SLCO4A1: variants seen among roughly 807,000 people sequenced by gnomAD.
The protein encoded by SLCO4A1 is colon organic anion transporter.
A neutral mutation model predicts 64.6 loss-of-function variants in SLCO4A1; 51 were observed. The ratio of observed to expected loss-of-function variants is 0.79; its 90% CI spans 0.63 to 1.00. SLCO4A1 has a LOEUF of 1.00. Ranked by LOEUF, SLCO4A1 falls within the 50% of genes least tolerant of loss-of-function variation. The pLI, the probability that SLCO4A1 is intolerant of heterozygous loss-of-function variation, is 0.00. For synonymous variants in SLCO4A1, 471 were observed against 444.9 expected (o/e 1.06, Z -0.74); for missense variants, 919 against 980.5 (o/e 0.94, Z 0.84).
chr20:62,656,951 C>G lies in SLCO4A1; in HGVS notation c.497C>G (p.Ser166Ter), dbSNP rs1173786115. 5 of 1,564,134 alleles carry G rather than the reference C, an allele frequency of 3.2e-6. No homozygotes were observed. Among genetic ancestry groups the G allele is most frequent in the Non-Finnish European group, 4.3e-6 (5 of 1,150,060 alleles). Reference sequence around the variant, plus strand: ...ACCTTCGTCAGCTACTTCGGGGGCTCAGGGCACAAGCCGCGCTGGCTGGGC... The same window carrying G: ...ACCTTCGTCAGCTACTTCGGGGGCTGAGGGCACAAGCCGCGCTGGCTGGGC... ...CLTFVSYFGG[S>*]GHKPRWLGWG... is the part of the protein sequence containing the mutation. The change falls in exon 2 of 12, where the codon TCA (serine) becomes TGA (stop). Residue 166 changes from serine to a stop codon, truncating the protein, a stop_gained. Coordinates refer to ENST00000217159, the MANE Select transcript of SLCO4A1 (RefSeq NM_016354.4). LOFTEE classifies it high-confidence loss of function.
At chr20:62,668,268 C>A in intron 9 of SLCO4A1, 84 bp downstream of exon 9, 1 of 1,509,388 alleles carries the variant, frequency 6.6e-7, no homozygotes, top group Non-Finnish European at 9.2e-7. Flanking sequence ...GAGACAGGAG[C>A]ACTCCAGGAA....
intron 10 of SLCO4A1, 87 bp downstream of exon 10, chr20:62,668,628 A>ATG: frequency 7.8e-7 from 1 of 1,281,772 alleles, no homozygotes. Context: ...CACCAAGGGG[A>ATG]TGTGCTTCCC....
downstream of SLCO4A1, among the ~76,000 whole-genome samples, chr20:62,689,918 G>C (rs928572116): frequency 2.6e-5 from 4 of 152,220 alleles, no homozygotes; most frequent in Non-Finnish European, 4.4e-5. Flanking sequence ...GGGTGGAGCA[G>C]ATGCGGGGGA....
In SLCO4A1 at chr20:62,644,309, G is replaced by A. The variant is rs764161417; in HGVS notation, c.-97+1756G>A. ...GCAGGCTGTGTCCTGCCTTCCTGCT[G>A]GGCAAGGTCAGCAGGTGGTGCCTGG... On this transcript the variant is annotated intron_variant, in intron 1 of 11. Transcript: ENST00000217159. The surrounding 1 kb of genome is among the most constrained non-coding windows in gnomAD (Gnocchi z 5.4). Among the ~76,000 whole-genome samples, 16 of 152,238 alleles carry A rather than the reference G, an allele frequency of 1.1e-4. No homozygotes were observed. The highest frequency in any genetic ancestry group is 2.2e-4 in the Non-Finnish European group (15 of 68,036).
At chr20:62,658,092 C>T (rs1984070721) in intron 2 of SLCO4A1, among the ~76,000 whole-genome samples, 1 of 152,202 alleles carries the variant, frequency 6.6e-6, no homozygotes. Flanking sequence ...CTTGGCTCTC[C>T]CGGGAAGGGC....
intron 1 of SLCO4A1, among the ~76,000 whole-genome samples, chr20:62,646,757 A>C (rs1981409157): frequency 6.6e-6 from 1 of 152,254 alleles, no homozygotes; most frequent in African/African-American, 2.4e-5. Context: ...ACTGAGGCAG[A>C]GAGAGGCCCG....
intron 7 of SLCO4A1, among the ~76,000 whole-genome samples, chr20:62,667,318 G>C (rs1476801711): frequency 6.6e-6 from 1 of 152,256 alleles, no homozygotes; most frequent in South Asian, 2.1e-4. Context: ...GGGCGTGTAC[G>C]TGCAGACGAC....
downstream of SLCO4A1, among the ~76,000 whole-genome samples, chr20:62,686,562 CCA>C (rs1410236881): frequency 2.0e-5 from 3 of 152,214 alleles, no homozygotes; most frequent in Admixed American, 2.0e-4. Context: ...CCCTCTGACC[CCA>C]GACACCTTCC....
rs138324792 is a variant in SLCO4A1, at chr20:62,685,631, T to C, written n.402T>C. The C allele has an allele frequency of 2.1e-5, 4 of 186,538 alleles. No individual in the cohort carries two copies. The South Asian group carries it at 7.2e-4, about 34-fold the overall frequency. 11.6% of individuals were successfully genotyped at this position (186,538 alleles called of 1,614,324 possible). A position where few individuals can be genotyped will look rare whatever the true frequency, so the allele number is the denominator to read the frequency against. On this transcript the variant is annotated non_coding_transcript_exon_variant, in exon 3 of 3. Coordinates refer to the SLCO4A1 transcript ENST00000466818. The surrounding 1 kb of genome is among the most constrained non-coding windows in gnomAD (Gnocchi z 4.6). ...TGGGAGAGAATGCATTTGCTTCCGA[T>C]GCCCAGGGCACGAAAGAGGTGGACG...
intron 3 of SLCO4A1, 80 bp downstream of exon 3, chr20:62,658,847 ACT>A: frequency 8.0e-7 from 1 of 1,251,510 alleles, no homozygotes; most frequent in Non-Finnish European, 1.1e-6. Context: ...AGCAGGGCCC[ACT>A]CTGAGTCAGG....
Position 62,656,745 on chromosome 20 carries a change from G to C in SLCO4A1, c.291G>C (p.Gln97His). 6.2e-7 allele frequency: 1 copy of C among 1,612,372 alleles called. No homozygotes were observed. Among genetic ancestry groups the C allele is most frequent in the Non-Finnish European group, 8.5e-7 (1 of 1,179,682 alleles). Residue 97 changes from glutamine (Q) to histidine (H), a missense_variant, in exon 2 of 12, where the codon CAG becomes CAC. Coordinates refer to ENST00000217159, the MANE Select transcript of SLCO4A1 (RefSeq NM_016354.4). ...GGGCCTTCGCACCGCCGTGCCTGCA[G>C]GTCCTCAACACGCCCAAGGGCATCC... ...GWWAFAPPCL[Q>H]VLNTPKGILF... is the part of the protein sequence containing the mutation.
In SLCO4A1 at chr20:62,661,023, G is replaced by GCCCCCCCCCCCCCCC; in HGVS notation, c.1010-36_1010-35insCCCCCCCCCCCCCCC. 1 of 732,786 alleles carries GCCCCCCCCCCCCCCC rather than the reference G, an allele frequency of 1.4e-6. No homozygotes were observed. The highest frequency in any genetic ancestry group is 2.5e-6 in the Non-Finnish European group (1 of 399,746). The allele number at this position is 732,786 out of a possible 1,614,324, so 45.4% of individuals were successfully genotyped here. On this transcript the variant is annotated intron_variant, in intron 4 of 11. Transcript: ENST00000217159. The surrounding 1 kb of genome is among the most constrained non-coding windows in gnomAD (Gnocchi z 5.2). ...CTCTCGGAGAAGTCCACCTCCGGGA[G>GCCCCCCCCCCCCCCC]CCCCCAGCCCCCAGCCCCAGCTCAC...
At chr20:62,668,411 C>A in intron 9 of SLCO4A1, 66 bp from the exon 10 acceptor site, 1 of 1,536,210 alleles carries the variant, frequency 6.5e-7, no homozygotes, top group Non-Finnish European at 9.0e-7. Flanking sequence ...AGGCCACTGG[C>A]CTAGGGGGTG....
At chr20:62,659,942 G>A (rs1984456821) in intron 3 of SLCO4A1, among the ~76,000 whole-genome samples, 1 of 152,356 alleles carries the variant, frequency 6.6e-6, no homozygotes, top group Non-Finnish European at 1.5e-5. Context: ...TCGCCTTTTC[G>A]TTTGAAAGCA....
At chr20:62,646,507 C>T (rs956105508) in intron 1 of SLCO4A1, among the ~76,000 whole-genome samples, 5 of 152,358 alleles carry the variant, frequency 3.3e-5, no homozygotes, top group South Asian at 4.1e-4. Flanking sequence ...CGAGGCACAG[C>T]GGGGGTCCTG....
At chr20:62,666,282 C>T (rs1484027608) in intron 6 of SLCO4A1, 98 bp from the exon 7 acceptor site, 1 of 1,032,004 alleles carries the variant, frequency 9.7e-7, no homozygotes, top group African/African-American at 1.6e-5. Flanking sequence ...CTCTATGCCT[C>T]AGTTTCCCCA....
At chr20:62,671,710 C>T (rs773924093) in intron 11 of SLCO4A1, 40 bp from the exon 12 acceptor site, 62 of 1,591,880 alleles carry the variant, frequency 3.9e-5, no homozygotes, top group Middle Eastern at 3.4e-4. Context: ...AGGCTCTGGC[C>T]GAGCTCCCCA....
rs928801790 is a variant in SLCO4A1, at chr20:62,685,752, G to A, written n.523G>A. On this transcript the variant is annotated non_coding_transcript_exon_variant, in exon 3 of 3. Transcript: ENST00000466818. The surrounding 1 kb of genome is among the most constrained non-coding windows in gnomAD (Gnocchi z 4.6). ...GATCTTATAATAAGTGTGCAGATGC[G>A]CCCGTTCTAAGGAAATAAAGGGTTC... 2.6e-5 allele frequency: 4 copies of A among 152,126 alleles called. No homozygotes were observed. Among genetic ancestry groups the A allele is most frequent in the South Asian group, 2.1e-4 (1 of 4,828 alleles). The allele number at this position is 152,126 out of a possible 1,614,324, so 9.4% of individuals were successfully genotyped here. A position where few individuals can be genotyped will look rare whatever the true frequency, so the allele number is the denominator to read the frequency against.
At chr20:62,668,602 T>C (rs980304645) in intron 10 of SLCO4A1, 61 bp downstream of exon 10, 3 of 1,456,618 alleles carry the variant, frequency 2.1e-6, no homozygotes, top group Admixed American at 1.7e-5. Flanking sequence ...CACAAGGGCA[T>C]GGGCAAGTGT....
Sources: allele counts gnomAD v4.1 joint callset (sites outside exome capture counted in the v4.1 genomes callset), GRCh38; gene constraint gnomAD v4.1.1; non-coding constraint Gnocchi (gnomAD v3.1); transcripts MANE v1.5; gene names NCBI Gene and HGNC (gene_info 2026-07-23, HGNC 2026-07-21).